RARB: variants seen among roughly 807,000 people sequenced by gnomAD.
The protein encoded by RARB is HBV-activated protein.
Under a neutral mutation model 51.9 loss-of-function variants are expected in RARB, and 17 were observed. That is an observed-to-expected ratio of 0.33 (90% CI 0.22 to 0.49). The LOEUF is 0.49. Among genes scored for constraint, RARB ranks in the 20% least tolerant of loss-of-function variants. RARB has a pLI of 0.99. For synonymous variants in RARB, 215 were observed against 195.4 expected (o/e 1.10, Z -0.84); for missense variants, 369 against 550.8 (o/e 0.67, Z 3.30).
chr3:25,105,565 T>C (rs1021772490), intron 3 of RARB, among the ~76,000 whole-genome samples: 1 of 152,190 alleles, frequency 6.6e-6, no homozygotes, highest in Non-Finnish European at 1.5e-5. Flanking sequence ...ATTCAGCTGT[T>C]TATAGGTGTC....
intron 5 of RARB, among the ~76,000 whole-genome samples, chr3:25,233,252 C>T (rs1180492895): frequency 1.3e-5 from 2 of 152,050 alleles, no homozygotes; most frequent in African/African-American, 2.4e-5. Context: ...AGCCACAGCA[C>T]CCAGCCATTA....
chr3:25,412,329 C>T (rs1053733233), intron 5 of RARB, among the ~76,000 whole-genome samples: 2 of 152,072 alleles, frequency 1.3e-5, no homozygotes, highest in Non-Finnish European at 2.9e-5. Context: ...TTGAATGTTG[C>T]TATTAACCAA....
At chr3:25,142,962 A>T (rs757901262) in intron 4 of RARB, among the ~76,000 whole-genome samples, 45 of 152,012 alleles carry the variant, frequency 3.0e-4, no homozygotes, top group African/African-American at 4.1e-4. Flanking sequence ...TATTATATTT[A>T]AAAAAAAGTC....
At chr3:24,934,321 T>A (rs1695504402) in intron 2 of RARB, among the ~76,000 whole-genome samples, 4 of 152,116 alleles carry the variant, frequency 2.6e-5, no homozygotes, top group African/African-American at 9.7e-5. Flanking sequence ...TACCGGCACA[T>A]CTCAGGCTGA....
At chr3:25,378,848 A>C (rs1559377993) in intron 5 of RARB, among the ~76,000 whole-genome samples, 1 of 152,238 alleles carries the variant, frequency 6.6e-6, no homozygotes, top group Admixed American at 6.5e-5. Flanking sequence ...GTATTTCATA[A>C]AGAAGCTATC....
chr3:25,510,844 A>T (rs1434464750), intron 3 of RARB, among the ~76,000 whole-genome samples: 3 of 152,232 alleles, frequency 2.0e-5, no homozygotes, highest in African/African-American at 7.2e-5. Flanking sequence ...TTTGATGCCA[A>T]TACAGCCTTA....
chr3:25,098,312 G>C lies in RARB; in HGVS notation c.-327-33849G>C, dbSNP rs139011210. Among the ~76,000 whole-genome samples the C allele has an allele frequency of 4.2e-4, 64 of 152,248 alleles. No individual in the cohort carries two copies. In the East Asian group the frequency reaches 0.011, roughly 26 times the overall value. On this transcript the variant is annotated intron_variant, in intron 3 of 11. Coordinates refer to the RARB transcript ENST00000383772. Reference sequence around the variant, plus strand: ...TTTCATAACCACTTGGCTCTCACTGGTCAGCATCCCTTAATCATAGCTAGT... The same window carrying C: ...TTTCATAACCACTTGGCTCTCACTGCTCAGCATCCCTTAATCATAGCTAGT...
At chr3:25,252,969 T>A (rs186482710) in intron 5 of RARB, among the ~76,000 whole-genome samples, 1 of 152,260 alleles carries the variant, frequency 6.6e-6, no homozygotes, top group Admixed American at 6.5e-5. Flanking sequence ...GGGAGGGTAA[T>A]ATGCACTCTC....
At chr3:25,263,861 A>G (rs1035856954) in intron 5 of RARB, among the ~76,000 whole-genome samples, 1 of 152,194 alleles carries the variant, frequency 6.6e-6, no homozygotes, top group African/African-American at 2.4e-5. Flanking sequence ...CCTCCCAGTC[A>G]ACAAATTCTG....
chr3:25,232,574 C>T (rs1458121686), intron 5 of RARB, among the ~76,000 whole-genome samples: 1 of 152,124 alleles, frequency 6.6e-6, no homozygotes, highest in East Asian at 1.9e-4. Flanking sequence ...TCAGCATACA[C>T]ATCCAGTCCA....
intron 3 of RARB, among the ~76,000 whole-genome samples, chr3:25,508,142 G>A (rs549254847): frequency 1.3e-5 from 2 of 152,180 alleles, no homozygotes; most frequent in Non-Finnish European, 2.9e-5. Flanking sequence ...AGTTTCATAA[G>A]TGTATTTGTA....
chr3:25,447,403 A>G (rs1004863645), intron 1 of RARB, among the ~76,000 whole-genome samples: 8 of 152,090 alleles, frequency 5.3e-5, no homozygotes, highest in Admixed American at 3.3e-4. Context: ...GCCTTGTGGC[A>G]TTTTTCAGTT....
intron 1 of RARB, among the ~76,000 whole-genome samples, chr3:25,436,935 C>G (rs148394109): frequency 2.0e-5 from 3 of 152,016 alleles, no homozygotes; most frequent in Non-Finnish European, 4.4e-5. Context: ...GACACAGGAT[C>G]GGTTTCTACA....
At chr3:25,370,031 A>G (rs1706251029) in intron 5 of RARB, among the ~76,000 whole-genome samples, 1 of 152,186 alleles carries the variant, frequency 6.6e-6, no homozygotes, top group Non-Finnish European at 1.5e-5. Flanking sequence ...AGAGCAGAAA[A>G]CAGAACAAAA....
intron 2 of RARB, among the ~76,000 whole-genome samples, chr3:24,980,406 C>T (rs78696730): frequency 1.3e-5 from 2 of 152,182 alleles, no homozygotes; most frequent in African/African-American, 4.8e-5. Context: ...TTCAGGTACA[C>T]CAATCAAATG....
chr3:25,234,336 T>G (rs1348468672), intron 5 of RARB, among the ~76,000 whole-genome samples: 1 of 152,158 alleles, frequency 6.6e-6, no homozygotes, highest in African/African-American at 2.4e-5. Context: ...TTATTAGACT[T>G]TGTGTCTGTA....
chr3:24,877,445 G>A (rs1389494883), intron 2 of RARB, among the ~76,000 whole-genome samples: 3 of 141,656 alleles, frequency 2.1e-5, no homozygotes, highest in Non-Finnish European at 3.0e-5. Context: ...TAGAGTGCAG[G>A]TATGGCTGCA....
At chr3:25,171,473 G>T (rs1383985209) in intron 4 of RARB, among the ~76,000 whole-genome samples, 1 of 11,738 alleles carries the variant, frequency 8.5e-5, no homozygotes, top group Non-Finnish European at 1.4e-4. Flanking sequence ...CCTATTATCA[G>T]TATAAGCAGT....
intron 5 of RARB, among the ~76,000 whole-genome samples, chr3:25,317,842 G>C (rs1430317743): frequency 6.6e-6 from 1 of 152,018 alleles, no homozygotes; most frequent in Non-Finnish European, 1.5e-5. Context: ...AACATTATTG[G>C]GGTACCTCTT....
Sources: gnomAD v4.1 joint callset for allele counts (sites outside exome capture counted in the v4.1 genomes callset) on GRCh38, gnomAD v4.1.1 for gene constraint, MANE v1.5 for transcripts, NCBI Gene and HGNC (gene_info 2026-07-23, HGNC 2026-07-21) for gene names.